Variants in PRDM16 observed in about 807,000 individuals in gnomAD.
The protein encoded by PRDM16 is histone-lysine N-methyltransferase PRDM16.
In PRDM16, 23 loss-of-function variants were observed where a neutral mutation model predicts 110.6. The observed-to-expected ratio is 0.21, with a 90% CI of 0.15 to 0.29. PRDM16 has a LOEUF of 0.29. Among genes scored for constraint, PRDM16 ranks in the 10% least tolerant of loss-of-function variants. PRDM16 has a pLI of 1.00. For missense variants in PRDM16, 1,615 were observed against 1,794.3 expected (o/e 0.90, Z 1.81); for synonymous variants, 799 against 781.8 (o/e 1.02, Z -0.37).
intron 3 of PRDM16, among the ~76,000 whole-genome samples, chr1:3,348,793 C>G (rs1236363328): frequency 1.3e-5 from 2 of 152,146 alleles, no homozygotes; most frequent in East Asian, 3.9e-4. Flanking sequence ...CTGGGGCTCA[C>G]CCAACTCCAC....
rs1224559949 is a variant in PRDM16 at position 3,245,591 on chromosome 1, G to T, written c.438+1454G>T. On this transcript the variant is annotated intron_variant, in intron 3 of 16. Coordinates refer to ENST00000270722, the MANE Select transcript of PRDM16 (RefSeq NM_022114.4). This position sits in a 1 kb window ranked among gnomAD's most constrained non-coding sequence, Gnocchi z 4.7. The stretch of plus-strand genomic sequence containing the variant: ...TGGGGTCCTTTTGTCCAAGGACAAG[G>T]TGTCGGCTCTCAGTCCCCGCCGTCC... Among the ~76,000 whole-genome samples, 2 of 152,198 alleles carry T rather than the reference G, an allele frequency of 1.3e-5. No individual in the cohort carries two copies. Among genetic ancestry groups the T allele is most frequent in the African/African-American group, 2.4e-5 (1 of 41,442 alleles).
intron 2 of PRDM16, among the ~76,000 whole-genome samples, chr1:3,233,135 A>G (rs1472590363): frequency 6.6e-6 from 1 of 152,228 alleles, no homozygotes; most frequent in Non-Finnish European, 1.5e-5. Context: ...ATGCTGGTGC[A>G]GAGCCCACCG....
In PRDM16 at chr1:3,411,041, G is replaced by C. The variant is rs188352469; in HGVS notation, c.1187-343G>C. ...GTCACTGGAGGCCAGTCTTGGGTGG[G>C]GCGCATGCACACACACATATGTTTC... On this transcript the variant is annotated intron_variant, in intron 8 of 16. Coordinates refer to ENST00000270722, the MANE Select transcript of PRDM16 (RefSeq NM_022114.4). Among the ~76,000 whole-genome samples, 510 of 150,016 alleles carry C rather than the reference G, an allele frequency of 3.4e-3. 1 individual carries two copies. Among genetic ancestry groups the C allele is most frequent in the African/African-American group, 0.012 (480 of 40,734 alleles).
chr1:3,409,985 GGGGGGGTGT>G (rs1643653791), intron 8 of PRDM16, among the ~76,000 whole-genome samples: 2 of 81,596 alleles, frequency 2.5e-5, no homozygotes, highest in South Asian at 7.5e-4. Context: ...GTGTTTGCAT[GGGGGGGTGT>G]GGGGGGTGTG....
chr1:3,256,576 C>T (rs539271048), intron 3 of PRDM16, among the ~76,000 whole-genome samples: 8 of 152,122 alleles, frequency 5.3e-5, no homozygotes, highest in South Asian at 4.1e-4. Flanking sequence ...ATAAAGTCTT[C>T]GGTCGGGCGT....
chr1:3,384,826 T>TG (rs1355994155), intron 3 of PRDM16, among the ~76,000 whole-genome samples: 1 of 152,132 alleles, frequency 6.6e-6, no homozygotes, highest in African/African-American at 2.4e-5. Context: ...TTCTCACACG[T>TG]GGGTCAGCTT....
intron 1 of PRDM16, among the ~76,000 whole-genome samples, chr1:3,112,177 G>A (rs893667976): frequency 1.6e-4 from 25 of 152,258 alleles, no homozygotes; most frequent in Non-Finnish European, 3.2e-4. Context: ...AGGTCTTAGC[G>A]AAGGAAAAGT....
intron 1 of PRDM16, among the ~76,000 whole-genome samples, chr1:3,107,913 A>G (rs982542033): frequency 6.6e-6 from 1 of 152,232 alleles, no homozygotes; most frequent in Admixed American, 6.5e-5. Context: ...GGAGGTCCTA[A>G]GGTAAATGCT....
At chr1:3,318,604 G>T (rs1284643714) in intron 3 of PRDM16, among the ~76,000 whole-genome samples, 2 of 152,100 alleles carry the variant, frequency 1.3e-5, no homozygotes, top group Non-Finnish European at 2.9e-5. Flanking sequence ...ATCTGTCTAT[G>T]TATCTATCAA....
rs1463320520 is a variant in PRDM16 at position 3,405,006 on chromosome 1, A to G, written c.1032+120A>G. ...GTAGATGGAGTGCGGCAGAGTGGGT[A>G]GGAGGCCCCTGCGGTGGCTCGGGCC... On this transcript the variant is annotated intron_variant, in intron 7 of 16. Coordinates refer to ENST00000270722, the MANE Select transcript of PRDM16 (RefSeq NM_022114.4). 7 of 1,126,224 alleles carry G rather than the reference A, an allele frequency of 6.2e-6. No homozygotes were observed. The African/African-American group carries it at 1.1e-4, about 18-fold the overall frequency. The allele number at this position is 1,126,224 out of a possible 1,614,324, so 69.8% of individuals were successfully genotyped here.
chr1:3,352,588 T>C (rs1261127746), intron 3 of PRDM16, among the ~76,000 whole-genome samples: 1 of 152,218 alleles, frequency 6.6e-6, no homozygotes, highest in Non-Finnish European at 1.5e-5. Context: ...TTAATAGGCC[T>C]GCGGGCCTGA....
intron 3 of PRDM16, among the ~76,000 whole-genome samples, chr1:3,247,826 C>T (rs1163097949): frequency 2.0e-5 from 3 of 152,266 alleles, no homozygotes; most frequent in Admixed American, 6.5e-5. Context: ...GGTCGGGCTG[C>T]GTCGCGCCTT....
chr1:3,253,026 T>C (rs7513217), intron 3 of PRDM16, among the ~76,000 whole-genome samples: 45,749 of 151,898 alleles, frequency 0.3, 7,679 homozygotes, highest in Middle Eastern at 0.44. Flanking sequence ...CCCTCGAGCC[T>C]GCGCGCTGCT....
At chr1:3,347,469 C>T (rs1642383932) in intron 3 of PRDM16, among the ~76,000 whole-genome samples, 2 of 152,212 alleles carry the variant, frequency 1.3e-5, no homozygotes, top group Admixed American at 1.3e-4. Context: ...CTGGAAGGCC[C>T]CGCCCTCCTG....
Position 3,081,137 on chromosome 1 carries a change from G to C in PRDM16, c.37+11841G>C, listed in dbSNP as rs532491428. Among the ~76,000 whole-genome samples, 1 of 152,202 alleles carries C rather than the reference G, an allele frequency of 6.6e-6. No homozygotes were observed. Among genetic ancestry groups the C allele is most frequent in the Non-Finnish European group, 1.5e-5 (1 of 68,034 alleles). ...GCCCCGGAGTCTTAACTTTCCCTCCGTCGAAGGTGTTAGTCTTACCTTCCC... is the reference window on the plus strand; with the variant it reads ...GCCCCGGAGTCTTAACTTTCCCTCCCTCGAAGGTGTTAGTCTTACCTTCCC... On this transcript the variant is annotated intron_variant, in intron 1 of 16. Transcript: ENST00000270722. The surrounding 1 kb of genome is among the most constrained non-coding windows in gnomAD (Gnocchi z 4.6).
chr1:3,332,101 C>T (rs1181063324), intron 3 of PRDM16, among the ~76,000 whole-genome samples: 3 of 152,270 alleles, frequency 2.0e-5, no homozygotes, highest in Admixed American at 6.5e-5. Flanking sequence ...GCCAAGCCCC[C>T]GACCCTCCTG....
In PRDM16 at chr1:3,186,105, C is replaced by A. The variant is rs190568539; in HGVS notation, c.38-20C>A. 26 of 1,594,488 alleles carry A rather than the reference C, an allele frequency of 1.6e-5. No homozygotes were observed. Among genetic ancestry groups the A allele is most frequent in the Admixed American group, 3.3e-5 (2 of 59,958 alleles). On this transcript the variant is annotated intron_variant, in intron 1 of 16. Transcript: ENST00000270722. ...GTGGGGCACGTGCTGCAGAGGTTGA[C>A]GCTGCGTTGTCTCCTTTAGGTGACG...
intron 2 of PRDM16, among the ~76,000 whole-genome samples, chr1:3,191,834 A>T (rs987572444): frequency 1.3e-5 from 2 of 152,208 alleles, no homozygotes; most frequent in Admixed American, 6.5e-5. Flanking sequence ...CCGACATCAC[A>T]GCACAAATGT....
At chr1:3,369,865 C>T (rs757193388) in intron 3 of PRDM16, among the ~76,000 whole-genome samples, 29 of 152,200 alleles carry the variant, frequency 1.9e-4, no homozygotes, top group Non-Finnish European at 3.5e-4. Context: ...GCAGCAAGAG[C>T]TGTTCTTTAT....
Sources: allele counts gnomAD v4.1 joint callset (sites outside exome capture counted in the v4.1 genomes callset), GRCh38; gene constraint gnomAD v4.1.1; non-coding constraint Gnocchi (gnomAD v3.1); transcripts MANE v1.5; gene names NCBI Gene and HGNC (gene_info 2026-07-23, HGNC 2026-07-21).